Variants in SLC9A4 observed in about 807,000 individuals in gnomAD.
SLC9A4 encodes solute carrier family 9 member A4, also known as sodium/hydrogen exchanger 4.
Under a neutral mutation model 67.4 loss-of-function variants are expected in SLC9A4, and 63 were observed. The observed-to-expected ratio is 0.93, with a 90% confidence interval of 0.76 to 1.15. The LOEUF (loss-of-function observed/expected upper bound fraction) is 1.15. Among genes scored for constraint, SLC9A4 ranks in the 50% most tolerant of loss-of-function variants. The pLI, the probability that SLC9A4 is intolerant of heterozygous loss-of-function variation, is 0.00. For missense variants in SLC9A4, 1,089 were observed against 987.7 expected, an observed-to-expected ratio of 1.10 and a Z score of -1.38; for synonymous variants, 393 against 367.2, an observed-to-expected ratio of 1.07 and a Z score of -0.80.
At chr2:102,528,936 G>A (rs969665710) in intron 11 of SLC9A4, among the ~76,000 whole-genome samples, 1 of 152,154 alleles carries the variant, frequency 6.6e-6, no homozygotes, top group Non-Finnish European at 1.5e-5. Flanking sequence ...GTCATTTCCG[G>A]TCTATAAAGA....
chr2:102,502,097 A>G (rs956859790), intron 2 of SLC9A4, among the ~76,000 whole-genome samples: 5 of 151,704 alleles, frequency 3.3e-5, no homozygotes, highest in African/African-American at 1.2e-4. Flanking sequence ...GATAGATGCT[A>G]AGAGGCAAGT....
chr2:102,527,058 A>G (rs1674680721), intron 11 of SLC9A4, among the ~76,000 whole-genome samples: 1 of 152,220 alleles, frequency 6.6e-6, no homozygotes, highest in African/African-American at 2.4e-5. Flanking sequence ...AGTATATGTA[A>G]TTACCTCAAA....
intron 2 of SLC9A4, among the ~76,000 whole-genome samples, chr2:102,482,064 A>C (rs1684476989): frequency 6.6e-6 from 1 of 152,226 alleles, no homozygotes; most frequent in Non-Finnish European, 1.5e-5. Context: ...GAGGCAAGGC[A>C]CTAGAATCAT....
At chr2:102,528,342 CA>C (rs1674707981) in intron 11 of SLC9A4, among the ~76,000 whole-genome samples, 1 of 151,514 alleles carries the variant, frequency 6.6e-6, no homozygotes, top group Non-Finnish European at 1.5e-5. Flanking sequence ...CTTCCTGGTA[CA>C]AATAACCTGG....
At chr2:102,488,944 T>C (rs772242094) in intron 2 of SLC9A4, among the ~76,000 whole-genome samples, 2 of 152,174 alleles carry the variant, frequency 1.3e-5, no homozygotes, top group African/African-American at 2.4e-5. Flanking sequence ...CATCCATTCA[T>C]TCATCAAAAA....
At chr2:102,520,591 G>GT (rs1370157157) in intron 9 of SLC9A4, among the ~76,000 whole-genome samples, 4 of 152,140 alleles carry the variant, frequency 2.6e-5, no homozygotes, top group African/African-American at 7.2e-5. Flanking sequence ...ATAATGACAA[G>GT]TTTTTTCAAG....
At position 102,473,893 on chromosome 2, in the gene SLC9A4, G is replaced by C; in HGVS notation, c.134G>C (p.Trp45Ser). 1 of 1,614,096 alleles carries C rather than the reference G, an allele frequency of 6.2e-7. No individual in the cohort carries two copies. The change falls in exon 1 of 12, where the codon TGG becomes TCG. Residue 45 changes from tryptophan to serine, a missense_variant. Coordinates refer to ENST00000295269, the MANE Select transcript of SLC9A4 (RefSeq NM_001011552.4). ...ACTGCTCAGTATGCATCTAACGCTT[G>C]GTTTGCTGCTGCCAGCTCAGAGCCA... ...NSTAQYASNA[W>S]FAAASSEPEE... is the part of the protein sequence containing the mutation.
intron 10 of SLC9A4, 41 bp downstream of exon 10, chr2:102,525,196 A>AAGTGTTTGT: frequency 6.2e-7 from 1 of 1,611,844 alleles, no homozygotes; most frequent in Non-Finnish European, 8.5e-7. Flanking sequence ...TTCAGTGTGC[A>AAGTGTTTGT]AGTGTTTGTC....
At chr2:102,501,387 C>G (rs1203249501) in intron 2 of SLC9A4, among the ~76,000 whole-genome samples, 1 of 152,052 alleles carries the variant, frequency 6.6e-6, no homozygotes, top group African/African-American at 2.4e-5. Context: ...TCCAAAAGTG[C>G]TAGGATTACA....
At chr2:102,503,336 T>C in intron 2 of SLC9A4, 112 bp from the exon 3 acceptor site, 1 of 995,682 alleles carries the variant, frequency 1.0e-6, no homozygotes, top group Non-Finnish European at 1.4e-6. Context: ...TTTTTTGTTG[T>C]GTAATTTATT....
At chr2:102,520,147 A>G (rs1685374900) in intron 9 of SLC9A4, among the ~76,000 whole-genome samples, 192 bp downstream of exon 9, 1 of 152,074 alleles carries the variant, frequency 6.6e-6, no homozygotes. Context: ...CAAAATTGGT[A>G]CCTGTGACAT....
rs765188196 is a variant in SLC9A4 at position 102,512,279 on chromosome 2, G to A, written c.1559+6G>A. ...CACTACCAAGTGAGAGACAAGTAAG[G>A]AGGCTGAGGGTTTCACTCCCTGACA... is the stretch of plus-strand genomic sequence containing the variant. On this transcript the variant is annotated splice_donor_region_variant and intron_variant, in intron 7 of 11. Transcript: ENST00000295269. 6.2e-7 allele frequency: 1 copy of A among 1,613,676 alleles called. No homozygotes were observed. Among genetic ancestry groups the A allele is most frequent in the Non-Finnish European group, 8.5e-7 (1 of 1,179,762 alleles).
chr2:102,507,995 A>C, intron 4 of SLC9A4, 84 bp from the exon 5 acceptor site: 1 of 1,281,726 alleles, frequency 7.8e-7, no homozygotes, highest in Non-Finnish European at 1.1e-6. Flanking sequence ...TTTGCAGGGC[A>C]CGCGCACACA....
intron 4 of SLC9A4, among the ~76,000 whole-genome samples, chr2:102,507,345 C>A (rs922216120): frequency 6.6e-6 from 1 of 152,350 alleles, no homozygotes; most frequent in African/African-American, 2.4e-5. Flanking sequence ...TTCTTTGATT[C>A]ATCAGAGCTT....
intron 11 of SLC9A4, among the ~76,000 whole-genome samples, chr2:102,527,089 T>G (rs3849363): frequency 0.11 from 16,419 of 152,124 alleles, 1,162 homozygotes; most frequent in African/African-American, 0.19. Context: ...TTTTCTGATT[T>G]AAAAACATAC....
chr2:102,480,991 T>A (rs1431814793), intron 2 of SLC9A4, among the ~76,000 whole-genome samples: 1 of 152,064 alleles, frequency 6.6e-6, no homozygotes, highest in Non-Finnish European at 1.5e-5. Flanking sequence ...GAGGAGATGA[T>A]TGAGTTGTTG....
At chr2:102,476,736 G>A (rs1030372056) in intron 1 of SLC9A4, among the ~76,000 whole-genome samples, 2 of 151,908 alleles carry the variant, frequency 1.3e-5, no homozygotes, top group African/African-American at 4.8e-5. Flanking sequence ...AGGAGGAGGA[G>A]GAAAAAGGAA....
chr2:102,480,184 C>T (rs1222380803), intron 2 of SLC9A4, among the ~76,000 whole-genome samples: 7 of 152,168 alleles, frequency 4.6e-5, no homozygotes, highest in South Asian at 4.1e-4. Flanking sequence ...ACCTCCTCCT[C>T]TATGAAAGAG....
At chr2:102,485,766 C>T (rs1469665183) in intron 2 of SLC9A4, among the ~76,000 whole-genome samples, 1 of 152,202 alleles carries the variant, frequency 6.6e-6, no homozygotes, top group East Asian at 1.9e-4. Context: ...GTCTCTGTTT[C>T]CAGTGACTGA....
Sources: allele counts gnomAD v4.1 joint callset (sites outside exome capture counted in the v4.1 genomes callset), GRCh38; gene constraint gnomAD v4.1.1; transcripts MANE v1.5; gene names NCBI Gene and HGNC (gene_info 2026-07-23, HGNC 2026-07-21).